Variants in ACTR3B observed in about 807,000 individuals in gnomAD.
ACTR3B encodes the protein actin related protein 3B.
Under a neutral mutation model 59.0 loss-of-function variants are expected in ACTR3B, and 8 were observed. The observed-to-expected ratio is 0.14, with a 90% CI of 0.08 to 0.24. The LOEUF (loss-of-function observed/expected upper bound fraction) is 0.24, where lower values mean the gene tolerates loss of function less well. Ranked by LOEUF, ACTR3B falls within the 10% of genes least tolerant of loss-of-function variation. ACTR3B has a pLI of 1.00. For missense variants in ACTR3B, 245 were observed against 552.3 expected (o/e 0.44, Z 5.58); for synonymous variants, 148 against 197.9 (o/e 0.75, Z 2.12).
At position 152,822,678 on chromosome 7, in the gene ACTR3B, G is replaced by C. The variant is rs1009670698; in HGVS notation, c.685-664G>C. ...ATCTTGGCAGGGATCTGTGTGTTTC[G>C]CTACCTTGTGTATCCCAAGTGCCTA... On this transcript the variant is annotated intron_variant, in intron 7 of 11. Coordinates refer to ENST00000256001, the MANE Select transcript of ACTR3B (RefSeq NM_020445.6). 3.0e-4 allele frequency among the ~76,000 whole-genome samples: 46 copies of C among 152,172 alleles called. 1 individual carries two copies. Among genetic ancestry groups the C allele is most frequent in the Non-Finnish European group, 1.3e-4 (9 of 68,038 alleles).
intron 9 of ACTR3B, among the ~76,000 whole-genome samples, chr7:152,847,793 C>T (rs985130548): frequency 2.0e-5 from 3 of 152,106 alleles, no homozygotes; most frequent in East Asian, 1.9e-4. Flanking sequence ...GTGGGTTTTC[C>T]GAAGAGGCCC....
chr7:152,774,440 T>C (rs748014213), intron 1 of ACTR3B, among the ~76,000 whole-genome samples: 2 of 50,052 alleles, frequency 4.0e-5, no homozygotes, highest in Non-Finnish European at 1.2e-4. Flanking sequence ...CTGGCCTACA[T>C]TTTTTTTTTT....
chr7:152,831,875 T>C (rs941109192), intron 9 of ACTR3B, among the ~76,000 whole-genome samples: 3 of 152,086 alleles, frequency 2.0e-5, no homozygotes, highest in African/African-American at 7.2e-5. Flanking sequence ...CAACTGGGGC[T>C]CCGAGGAAAG....
chr7:152,843,053 A>G (rs1436790330), intron 9 of ACTR3B, among the ~76,000 whole-genome samples: 1 of 152,150 alleles, frequency 6.6e-6, no homozygotes, highest in Non-Finnish European at 1.5e-5. Flanking sequence ...TTATTAAGTG[A>G]CAACTCAATA....
chr7:152,797,101 A>T (rs2966504), intron 2 of ACTR3B, among the ~76,000 whole-genome samples: 9,018 of 151,804 alleles, frequency 0.059, 368 homozygotes, highest in Non-Finnish European at 0.089. Flanking sequence ...TTAAAAATTT[A>T]AACTTTTTTG....
intron 9 of ACTR3B, among the ~76,000 whole-genome samples, chr7:152,849,606 A>G (rs555141400): frequency 6.1e-4 from 93 of 152,314 alleles, no homozygotes; most frequent in Non-Finnish European, 1.2e-3. Context: ...CACTAGCACT[A>G]ATGACAGTTG....
intron 1 of ACTR3B, among the ~76,000 whole-genome samples, chr7:152,764,395 C>T (rs1478367824): frequency 4.0e-5 from 6 of 151,898 alleles, no homozygotes; most frequent in South Asian, 2.1e-4. Context: ...TTTGGGAGGC[C>T]GAGGATGTGG....
At chr7:152,842,504 AC>A (rs1319369607) in intron 9 of ACTR3B, among the ~76,000 whole-genome samples, 1 of 152,224 alleles carries the variant, frequency 6.6e-6, no homozygotes, top group African/African-American at 2.4e-5. Flanking sequence ...ACCATGGGTA[AC>A]TGACACCGTG....
chr7:152,820,926 G>C (rs1796094540), intron 7 of ACTR3B, among the ~76,000 whole-genome samples: 1 of 152,232 alleles, frequency 6.6e-6, no homozygotes, highest in Non-Finnish European at 1.5e-5. Context: ...AGCTTGATGG[G>C]GGTGAGCCCA....
chr7:152,800,418 T>C (rs2098231599), intron 2 of ACTR3B, 113 bp from the exon 3 acceptor site: 8 of 1,370,742 alleles, frequency 5.8e-6, no homozygotes, highest in South Asian at 1.5e-5. Flanking sequence ...TCACCCCACA[T>C]GGAGCCCTAA....
At position 152,803,522 on chromosome 7, in the gene ACTR3B, C is replaced by CA. The variant is rs2098243370; in HGVS notation, c.336+1792dup. Among the ~76,000 whole-genome samples, 5 of 152,144 alleles carry CA rather than the reference C, an allele frequency of 3.3e-5. No individual in the cohort carries two copies. In the South Asian group the frequency reaches 1.0e-3, roughly 32 times the overall value. Reference sequence around the variant, plus strand: ...GGATTTTAGGAGCAGGCACCGAGCCCAGCTGCTTCCTTCTGTCTACTTCAG... The same window carrying CA: ...GGATTTTAGGAGCAGGCACCGAGCCCAAGCTGCTTCCTTCTGTCTACTTCAG... On this transcript the variant is annotated intron_variant, in intron 4 of 11. Transcript: ENST00000256001.
intron 9 of ACTR3B, among the ~76,000 whole-genome samples, chr7:152,839,323 T>C (rs1797705131): frequency 1.4e-5 from 2 of 140,946 alleles, no homozygotes; most frequent in Admixed American, 1.4e-4. Flanking sequence ...GAGCATGAGG[T>C]CTGCAGGTGT....
At chr7:152,780,374 A>G (rs1358002900) in intron 1 of ACTR3B, among the ~76,000 whole-genome samples, 1 of 150,324 alleles carries the variant, frequency 6.7e-6, no homozygotes, top group East Asian at 1.9e-4. Context: ...AAATTAATAT[A>G]TCTTCATGTT....
intron 4 of ACTR3B, among the ~76,000 whole-genome samples, chr7:152,806,643 G>A (rs2098252875): frequency 6.6e-6 from 1 of 152,186 alleles, no homozygotes; most frequent in African/African-American, 2.4e-5. Flanking sequence ...TGTGTTCCAG[G>A]AAGGAGGAGG....
chr7:152,795,773 A>AAAC (rs773892649), intron 2 of ACTR3B, among the ~76,000 whole-genome samples: 1 of 152,000 alleles, frequency 6.6e-6, no homozygotes, highest in African/African-American at 2.4e-5. Flanking sequence ...AATTTACATT[A>AAAC]AACACACCCG....
At chr7:152,763,702 G>T (rs916506642) in intron 1 of ACTR3B, among the ~76,000 whole-genome samples, 1 of 152,192 alleles carries the variant, frequency 6.6e-6, no homozygotes, top group Non-Finnish European at 1.5e-5. Flanking sequence ...GTGATTACAG[G>T]CGTGAGCCAC....
chr7:152,807,679 T>G (rs1416263135), intron 4 of ACTR3B, among the ~76,000 whole-genome samples: 1 of 152,234 alleles, frequency 6.6e-6, no homozygotes, highest in Non-Finnish European at 1.5e-5. Context: ...GATCATTTAA[T>G]GGATTAAAAT....
At chr7:152,849,635 C>T (rs989938989) in intron 9 of ACTR3B, among the ~76,000 whole-genome samples, 5 of 152,322 alleles carry the variant, frequency 3.3e-5, no homozygotes, top group African/African-American at 9.6e-5. Context: ...ATAAAAAGGT[C>T]CTGTGCATAA....
At chr7:152,766,978 G>A (rs188283029) in intron 1 of ACTR3B, among the ~76,000 whole-genome samples, 31 of 152,052 alleles carry the variant, frequency 2.0e-4, no homozygotes, top group African/African-American at 6.7e-4. Flanking sequence ...GTAGAGAAGG[G>A]GGTTTTACCA....
Sources: allele counts gnomAD v4.1 joint callset (sites outside exome capture counted in the v4.1 genomes callset), GRCh38; gene constraint gnomAD v4.1.1; transcripts MANE v1.5; gene names NCBI Gene and HGNC (gene_info 2026-07-23, HGNC 2026-07-21).